KLHL32: variants seen among roughly 807,000 people sequenced by gnomAD.
The protein encoded by KLHL32 is kelch like family member 32, also known as kelch-like protein 32.
In KLHL32, 35 loss-of-function variants were observed where a neutral mutation model predicts 64.8. The observed-to-expected ratio is 0.54, with a 90% confidence interval of 0.41 to 0.72. KLHL32 has a LOEUF of 0.72. Ranked by LOEUF, KLHL32 falls within the 30% of genes least tolerant of loss-of-function variation. The pLI, the probability that KLHL32 is intolerant of heterozygous loss-of-function variation, is 0.00. For synonymous variants in KLHL32, 259 were observed against 281.0 expected (o/e 0.92, Z 0.78); for missense variants, 589 against 768.5 (o/e 0.77, Z 2.76).
intron 3 of KLHL32, among the ~76,000 whole-genome samples, chr6:96,985,631 A>C (rs545189764): frequency 6.6e-6 from 1 of 152,042 alleles, no homozygotes; most frequent in Non-Finnish European, 1.5e-5. Context: ...TTCATCTTCC[A>C]TCACTGATAC....
intron 4 of KLHL32, among the ~76,000 whole-genome samples, chr6:97,055,812 A>C (rs1329900151): frequency 1.0e-4 from 15 of 146,464 alleles, no homozygotes; most frequent in Non-Finnish European, 1.4e-4. Context: ...AAAAAAAAAA[A>C]AAAAAAAAAA....
At position 97,140,613 on chromosome 6, in the gene KLHL32, T is replaced by G. The variant is rs1192917844; in HGVS notation, c.*1331T>G. ...TAACTTCCTCAGGACCTAGGTCACC[T>G]TTATTAAAAGGAAGAATTCACTCTT... is the stretch of plus-strand genomic sequence containing the variant. On this transcript the variant is annotated 3_prime_UTR_variant, in exon 11 of 11. Transcript: ENST00000369261. The G allele has an allele frequency of 6.6e-6, 1 of 152,038 alleles. No individual in the cohort carries two copies. The highest frequency in any genetic ancestry group is 6.5e-5 in the Admixed American group (1 of 15,276). 9.4% of individuals were successfully genotyped at this position (152,038 alleles called of 1,614,324 possible). A position where few individuals can be genotyped will look rare whatever the true frequency, so the allele number is the denominator to read the frequency against.
chr6:97,045,364 A>C, intron 4 of KLHL32, among the ~76,000 whole-genome samples: 1 of 152,142 alleles, frequency 6.6e-6, no homozygotes, highest in East Asian at 1.9e-4. Flanking sequence ...ATTCTGTCTT[A>C]TTATTTCTCT....
In KLHL32 at chr6:97,140,278, A is replaced by T. The variant is rs1800541418; in HGVS notation, c.*996A>T. On this transcript the variant is annotated 3_prime_UTR_variant, in exon 11 of 11. Coordinates refer to ENST00000369261, the MANE Select transcript of KLHL32 (RefSeq NM_052904.4). ...AATCATTTAGTGAAAAATGACATTT[A>T]AAGCTAAAAAATAATTTAGTTGTAC... The T allele has an allele frequency of 6.6e-6, 1 of 152,134 alleles. No homozygotes were observed. The allele number at this position is 152,134 out of a possible 1,614,324, so 9.4% of individuals were successfully genotyped here. A position where few individuals can be genotyped will look rare whatever the true frequency, so the allele number is the denominator to read the frequency against.
intron 5 of KLHL32, among the ~76,000 whole-genome samples, chr6:97,076,391 TACTTTATCTGC>T (rs1791594579): frequency 6.6e-6 from 1 of 152,246 alleles, no homozygotes; most frequent in Non-Finnish European, 1.5e-5. Flanking sequence ...ATGTAGAAGG[TACTTTATCTGC>T]ACTTTTGAGA....
At chr6:97,000,011 A>C (rs935984757) in intron 3 of KLHL32, among the ~76,000 whole-genome samples, 4 of 152,178 alleles carry the variant, frequency 2.6e-5, no homozygotes, top group South Asian at 2.1e-4. Flanking sequence ...TGTGATCAGA[A>C]CCTAAAGGAT....
At chr6:97,027,096 A>T (rs772410257) in intron 3 of KLHL32, among the ~76,000 whole-genome samples, 33 of 149,882 alleles carry the variant, frequency 2.2e-4, no homozygotes, top group Non-Finnish European at 8.9e-5. Context: ...GAGGAGGCAG[A>T]GGTTGCAGTG....
At chr6:96,983,231 C>T (rs1010442115) in intron 3 of KLHL32, among the ~76,000 whole-genome samples, 1 of 152,274 alleles carries the variant, frequency 6.6e-6, no homozygotes, top group Non-Finnish European at 1.5e-5. Flanking sequence ...GGATGAAGCC[C>T]ACTTGATCAT....
chr6:96,976,967 C>T (rs1350790526), intron 3 of KLHL32, among the ~76,000 whole-genome samples: 1 of 152,202 alleles, frequency 6.6e-6, no homozygotes, highest in Non-Finnish European at 1.5e-5. Context: ...AATGGACCTT[C>T]ATGGTCAGTA....
the KLHL32 span, among the ~76,000 whole-genome samples, chr6:96,905,990 A>G: frequency 6.6e-6 from 1 of 152,206 alleles, no homozygotes; most frequent in Non-Finnish European, 1.5e-5. Flanking sequence ...CCTTGCAGGC[A>G]CAGCTCTGCC....
intron 6 of KLHL32, among the ~76,000 whole-genome samples, chr6:97,092,202 G>C (rs999460295): frequency 6.6e-6 from 1 of 152,028 alleles, no homozygotes; most frequent in African/African-American, 2.4e-5. Context: ...CGTTAGCCAG[G>C]ATGGTCTCGA....
At chr6:96,911,847 T>TA in the KLHL32 span, among the ~76,000 whole-genome samples, 2 of 107,176 alleles carry the variant, frequency 1.9e-5, no homozygotes, top group Admixed American at 9.2e-5. Context: ...TTTTTTTTTT[T>TA]TTTTGGCAGC....
At chr6:96,946,892 C>T (rs1042859019) in intron 1 of KLHL32, among the ~76,000 whole-genome samples, 4 of 152,066 alleles carry the variant, frequency 2.6e-5, no homozygotes, top group Non-Finnish European at 4.4e-5. Flanking sequence ...ACAAAGGGAA[C>T]GGCCATAAAA....
At chr6:96,937,746 T>C (rs1004182862) in intron 1 of KLHL32, among the ~76,000 whole-genome samples, 6 of 152,190 alleles carry the variant, frequency 3.9e-5, no homozygotes, top group African/African-American at 1.2e-4. Context: ...ACAGCTGCCC[T>C]TCTGCCTTCA....
intron 3 of KLHL32, among the ~76,000 whole-genome samples, chr6:97,007,053 A>G (rs535671305): frequency 6.6e-6 from 1 of 152,216 alleles, no homozygotes; most frequent in South Asian, 2.1e-4. Flanking sequence ...AAGGTTGGGG[A>G]AATTTTCATG....
rs114733065 is a variant in KLHL32, at chr6:97,117,946, A to C, written c.1354+3437A>C. ...ATGTTATTGCATTTACTCAAAAGCA[A>C]TATTTAGTGCTTTCTTGATTCTCTT... On this transcript the variant is annotated intron_variant, in intron 7 of 10. Coordinates refer to ENST00000369261, the MANE Select transcript of KLHL32 (RefSeq NM_052904.4). 2.8e-3 allele frequency among the ~76,000 whole-genome samples: 426 copies of C among 152,352 alleles called. 5 individuals carry two copies. Among genetic ancestry groups the C allele is most frequent in the African/African-American group, 9.7e-3 (404 of 41,584 alleles).
At chr6:96,993,965 C>G (rs1778161065) in intron 3 of KLHL32, among the ~76,000 whole-genome samples, 1 of 149,758 alleles carries the variant, frequency 6.7e-6, no homozygotes, top group Non-Finnish European at 1.5e-5. Flanking sequence ...AGTAAGCATG[C>G]TACCCTTTGC....
chr6:97,016,563 A>G (rs1284732738), intron 3 of KLHL32, among the ~76,000 whole-genome samples: 1 of 152,162 alleles, frequency 6.6e-6, no homozygotes, highest in East Asian at 1.9e-4. Context: ...TTGATTTTAC[A>G]GGCTTATAGG....
intron 1 of KLHL32, among the ~76,000 whole-genome samples, chr6:96,959,554 A>G (rs567919474): frequency 2.0e-5 from 3 of 152,308 alleles, no homozygotes; most frequent in Non-Finnish European, 2.9e-5. Flanking sequence ...AAGGATGCCA[A>G]TCATTTTGAA....
Sources: allele counts gnomAD v4.1 joint callset (sites outside exome capture counted in the v4.1 genomes callset), GRCh38; gene constraint gnomAD v4.1.1; transcripts MANE v1.5; gene names NCBI Gene and HGNC (gene_info 2026-07-23, HGNC 2026-07-21).